RBPMS: variants seen among roughly 807,000 people sequenced by gnomAD.
The protein encoded by RBPMS is RNA-binding protein with multiple splicing.
A neutral mutation model predicts 26.8 loss-of-function variants in RBPMS; 7 were observed. The ratio of observed to expected loss-of-function variants is 0.26; its 90% CI spans 0.15 to 0.49. The LOEUF (loss-of-function observed/expected upper bound fraction) is 0.49. Ranked by LOEUF, RBPMS falls within the 20% of genes least tolerant of loss-of-function variation. The pLI, the probability that RBPMS is intolerant of heterozygous loss-of-function variation, is 0.98. For synonymous variants in RBPMS, 96 were observed against 93.3 expected (o/e 1.03, Z -0.17); for missense variants, 186 against 250.0 (o/e 0.74, Z 1.73).
chr8:30,411,997 A>C (rs1055106981), intron 1 of RBPMS, among the ~76,000 whole-genome samples: 3 of 139,912 alleles, frequency 2.1e-5, no homozygotes, highest in Non-Finnish European at 3.3e-5. Context: ...AAAAAAAAAA[A>C]AAAACAAAAA....
intron 1 of RBPMS, among the ~76,000 whole-genome samples, chr8:30,473,008 TAACAATTG>T (rs1817302123): frequency 6.6e-6 from 1 of 152,232 alleles, no homozygotes; most frequent in Non-Finnish European, 1.5e-5. Flanking sequence ...TATTCATGGT[TAACAATTG>T]AACAATTGAG....
intron 1 of RBPMS, chr8:30,446,933 T>C (rs530606798): frequency 1.1e-4 from 16 of 152,102 alleles, no homozygotes; most frequent in African/African-American, 3.9e-4. Flanking sequence ...TTCTCTGCCA[T>C]CTTCAACAGG....
intron 5 of RBPMS, among the ~76,000 whole-genome samples, chr8:30,505,320 ATCT>A (rs1198245714): frequency 6.6e-6 from 1 of 152,172 alleles, no homozygotes; most frequent in Admixed American, 6.6e-5. Context: ...CACGGTTGTG[ATCT>A]TCTTCCTTCG....
chr8:30,526,526 C>T (rs909594300), intron 5 of RBPMS, among the ~76,000 whole-genome samples: 3 of 152,116 alleles, frequency 2.0e-5, no homozygotes, highest in African/African-American at 4.8e-5. Context: ...ATTTTCTAAC[C>T]GCAATTTTAT....
intron 1 of RBPMS, among the ~76,000 whole-genome samples, chr8:30,427,599 G>A (rs1811497807): frequency 6.6e-6 from 1 of 152,140 alleles, no homozygotes; most frequent in Non-Finnish European, 1.5e-5. Context: ...ATTTTTAAAG[G>A]TCTGTGTTAC....
chr8:30,541,492 A>G (rs747357322), intron 5 of RBPMS, among the ~76,000 whole-genome samples: 1 of 152,176 alleles, frequency 6.6e-6, no homozygotes, highest in Non-Finnish European at 1.5e-5. Flanking sequence ...AGATTGGTGC[A>G]ATGGGAAAGG....
At chr8:30,468,354 A>G (rs1280416324) in intron 1 of RBPMS, among the ~76,000 whole-genome samples, 1 of 151,900 alleles carries the variant, frequency 6.6e-6, no homozygotes, top group African/African-American at 2.4e-5. Context: ...GTCTGTCTCC[A>G]TTTCAGTCTA....
intron 5 of RBPMS, among the ~76,000 whole-genome samples, chr8:30,511,807 G>C (rs1821748278): frequency 6.6e-6 from 1 of 151,812 alleles, no homozygotes; most frequent in Admixed American, 6.6e-5. Flanking sequence ...CTGGGCAACA[G>C]AGTGAGACTG....
At chr8:30,467,366 A>G (rs1261922195) in intron 1 of RBPMS, among the ~76,000 whole-genome samples, 2 of 152,212 alleles carry the variant, frequency 1.3e-5, no homozygotes, top group Non-Finnish European at 2.9e-5. Flanking sequence ...AAAATTTACA[A>G]GCTGGGCCCT....
chr8:30,475,323 G>A (rs1410557778), intron 2 of RBPMS, among the ~76,000 whole-genome samples: 2 of 152,224 alleles, frequency 1.3e-5, no homozygotes, highest in Admixed American at 6.5e-5. Flanking sequence ...TCACTTGATA[G>A]ATACTTAATG....
intron 1 of RBPMS, among the ~76,000 whole-genome samples, chr8:30,442,326 TTCCC>T (rs1211743300): frequency 6.6e-6 from 1 of 152,136 alleles, no homozygotes; most frequent in Non-Finnish European, 1.5e-5. Flanking sequence ...CATTTTCTCC[TTCCC>T]TGCCTCACCA....
chr8:30,541,600 C>A (rs909114025), intron 5 of RBPMS, among the ~76,000 whole-genome samples: 1 of 152,162 alleles, frequency 6.6e-6, no homozygotes, highest in African/African-American at 2.4e-5. Context: ...CTGGCTCACT[C>A]TGGGTGGTCA....
intron 5 of RBPMS, among the ~76,000 whole-genome samples, chr8:30,531,874 G>A (rs1391771010): frequency 2.0e-5 from 3 of 152,306 alleles, no homozygotes; most frequent in South Asian, 2.1e-4. Context: ...GGAGCTGCTT[G>A]TTGTAAATTG....
At chr8:30,517,204 G>GTT (rs1169957335) in intron 5 of RBPMS, among the ~76,000 whole-genome samples, 1 of 112,714 alleles carries the variant, frequency 8.9e-6, no homozygotes, top group Non-Finnish European at 2.0e-5. Context: ...GTGTGTGTGT[G>GTT]TGTGTGTGTG....
chr8:30,461,685 G>T (rs890284008), intron 1 of RBPMS, among the ~76,000 whole-genome samples: 2 of 152,142 alleles, frequency 1.3e-5, no homozygotes, highest in Non-Finnish European at 2.9e-5. Flanking sequence ...GTGAGCCACC[G>T]CACCCGGCCT....
intron 5 of RBPMS, among the ~76,000 whole-genome samples, chr8:30,541,182 A>G (rs945206306): frequency 1.5e-4 from 23 of 152,110 alleles, no homozygotes; most frequent in Admixed American, 2.0e-4. Context: ...CTCTCTTTCA[A>G]TGTGACCGTA....
At chr8:30,524,689 C>T (rs1196046450) in intron 5 of RBPMS, among the ~76,000 whole-genome samples, 4 of 152,174 alleles carry the variant, frequency 2.6e-5, no homozygotes, top group African/African-American at 9.7e-5. Context: ...CCAGAACATT[C>T]TGCACTTTCT....
At chr8:30,536,041 G>GC (rs1824756906) in intron 5 of RBPMS, among the ~76,000 whole-genome samples, 2 of 152,026 alleles carry the variant, frequency 1.3e-5, no homozygotes, top group South Asian at 4.1e-4. Context: ...CATGCGCTAT[G>GC]CTAGGTACTG....
At chr8:30,429,105 A>G (rs1480254354) in intron 1 of RBPMS, among the ~76,000 whole-genome samples, 1 of 152,240 alleles carries the variant, frequency 6.6e-6, no homozygotes, top group Non-Finnish European at 1.5e-5. Context: ...GTCATAAAAT[A>G]GAATAGTATT....
Sources: gnomAD v4.1 joint callset for allele counts (sites outside exome capture counted in the v4.1 genomes callset) on GRCh38, gnomAD v4.1.1 for gene constraint, MANE v1.5 for transcripts, NCBI Gene and HGNC (gene_info 2026-07-23, HGNC 2026-07-21) for gene names.